RAD54B: variants seen among roughly 807,000 people sequenced by gnomAD.
RAD54B encodes the protein DNA repair and recombination protein RAD54B.
Under a neutral mutation model 95.8 loss-of-function variants are expected in RAD54B, and 78 were observed. The observed-to-expected ratio is 0.81, with a 90% CI of 0.68 to 0.98. RAD54B has a LOEUF of 0.98. Among genes scored for constraint, RAD54B ranks in the 50% least tolerant of loss-of-function variants. The pLI is 0.00. For synonymous variants in RAD54B, 328 were observed against 354.9 expected (o/e 0.92, Z 0.85); for missense variants, 957 against 1,056.6 (o/e 0.91, Z 1.31).
intron 10 of RAD54B, among the ~76,000 whole-genome samples, chr8:94,387,976 A>G (rs911090013): frequency 6.6e-6 from 1 of 152,062 alleles, no homozygotes; most frequent in Non-Finnish European, 1.5e-5. Flanking sequence ...ATACTTTTTT[A>G]TTTTGCTGCT....
chr8:94,411,282 TTGGACAC>T lies in RAD54B; in HGVS notation c.331_337del (p.Val111ArgfsTer10), dbSNP rs1811523091. The T allele has an allele frequency of 6.3e-7, 1 of 1,596,694 alleles. No homozygotes were observed. The highest frequency in any genetic ancestry group is 1.4e-5 in the African/African-American group (1 of 73,712). ...GCTATCAGATTTCTCTTCTTGTTCC[TTGGACAC>T]TGCTACTTCTTTAGGAGCCGAATGA... On this transcript the variant is annotated frameshift_variant, in exon 4 of 15. Transcript: ENST00000336148. LOFTEE classifies it high-confidence loss of function.
At chr8:94,466,424 G>A (rs530069051) in intron 2 of RAD54B, among the ~76,000 whole-genome samples, 415 of 150,516 alleles carry the variant, frequency 2.8e-3, no homozygotes, top group African/African-American at 9.6e-3. Context: ...TTTTTTTTGG[G>A]GGGGACGGAG....
chr8:94,422,647 T>TAG (rs1215416656), intron 3 of RAD54B, among the ~76,000 whole-genome samples: 80 of 98,858 alleles, frequency 8.1e-4, no homozygotes, highest in African/African-American at 3.1e-3. Context: ...TATATATATA[T>TAG]ATATATAAAA....
rs1045941111 is a variant in RAD54B, at chr8:94,429,552, T to C, written c.305-18237A>G. 4 of 982,994 alleles carry C rather than the reference T, an allele frequency of 4.1e-6. No homozygotes were observed. The African/African-American group carries it at 7.0e-5, about 17-fold the overall frequency. The allele number at this position is 982,994 out of a possible 1,614,324, so 60.9% of individuals were successfully genotyped here. The stretch of plus-strand genomic sequence containing the variant: ...TGCTGAAACTGTAAAGTGAATTACA[T>C]CTCATATATGTGCTTTCAATAATTT... On this transcript the variant is annotated intron_variant, in intron 3 of 14. Coordinates refer to ENST00000336148, the MANE Select transcript of RAD54B (RefSeq NM_012415.3).
At position 94,399,565 on chromosome 8, in the gene RAD54B, A is replaced by G. The variant is rs765660070; in HGVS notation, c.1227T>C (p.Ser409=). 1.9e-6 allele frequency: 3 copies of G among 1,612,756 alleles called. No homozygotes were observed. The highest frequency in any genetic ancestry group is 2.7e-5 in the African/African-American group (2 of 74,896). ...KSIFYSVLII[S]YEMLLRSLDQ... is the part of the protein sequence containing the mutation. ...CCAGGGAACGAAGTAACATTTCATA[A>G]CTGATAATAAGAACAGAATAAAATA... The change falls in exon 8 of 15, where the codon AGT becomes AGC. Residue 409 remains serine (S), a synonymous_variant. Coordinates refer to ENST00000336148, the MANE Select transcript of RAD54B (RefSeq NM_012415.3).
intron 3 of RAD54B, chr8:94,436,399 G>A (rs1812262219): frequency 7.4e-7 from 1 of 1,360,324 alleles, no homozygotes; most frequent in South Asian, 1.6e-5. Context: ...TCCCGTTGTG[G>A]GGATGCTTAC....
intron 3 of RAD54B, among the ~76,000 whole-genome samples, chr8:94,426,694 C>T (rs1343015525): frequency 1.3e-5 from 2 of 152,128 alleles, no homozygotes; most frequent in Admixed American, 6.5e-5. Context: ...GGTTGCCTGA[C>T]GTGCAAGAAG....
intron 3 of RAD54B, among the ~76,000 whole-genome samples, chr8:94,438,596 A>AT (rs1812326711): frequency 6.6e-6 from 1 of 152,304 alleles, no homozygotes; most frequent in South Asian, 2.1e-4. Context: ...TTATTTTGTT[A>AT]TTTTCAGAAG....
chr8:94,400,823 A>C (rs1161896540), intron 6 of RAD54B, among the ~76,000 whole-genome samples: 6 of 152,190 alleles, frequency 3.9e-5, no homozygotes, highest in African/African-American at 1.4e-4. Context: ...TTCAGATATC[A>C]AAACAGTTTA....
At chr8:94,426,139 G>C (rs1811936824) in intron 3 of RAD54B, among the ~76,000 whole-genome samples, 1 of 151,934 alleles carries the variant, frequency 6.6e-6, no homozygotes, top group African/African-American at 2.4e-5. Context: ...TTTTAGTAGA[G>C]ACGGGGTTTC....
Position 94,378,231 on chromosome 8 carries a change from C to T in RAD54B, c.2464G>A (p.Val822Ile). Residue 822 changes from valine to isoleucine, a missense_variant, in exon 14 of 15, where the codon GTT becomes ATT. Physicochemically the swap from Val to Ile is conservative, Grantham distance 29 (BLOSUM62 3). Transcript: ENST00000336148. ...TCACAGTCAAGCAGATCATGAGTAA[C>T]ACAATCTGAACTTTCATGTAATGTG... is the stretch of plus-strand genomic sequence containing the variant. ...LFTLHESSDCVTHDLLDCECT... is the reference protein window; with the variant it reads ...LFTLHESSDCITHDLLDCECT... 6.2e-7 allele frequency: 1 copy of T among 1,613,060 alleles called. No individual in the cohort carries two copies. The highest frequency in any genetic ancestry group is 8.5e-7 in the Non-Finnish European group (1 of 1,179,630).
intron 2 of RAD54B, among the ~76,000 whole-genome samples, chr8:94,464,233 C>G (rs1193147389): frequency 6.6e-6 from 1 of 152,088 alleles, no homozygotes; most frequent in Non-Finnish European, 1.5e-5. Flanking sequence ...CCCAGGTGGG[C>G]CTAACCTAAT....
chr8:94,402,873 T>G (rs1811295639), intron 6 of RAD54B, among the ~76,000 whole-genome samples: 1 of 152,206 alleles, frequency 6.6e-6, no homozygotes, highest in African/African-American at 2.4e-5. Flanking sequence ...TTACTAGAGA[T>G]GCTGCAGTGG....
Position 94,458,368 on chromosome 8 carries a change from AG to A in RAD54B, c.203del (p.Pro68LeufsTer29). 1 of 1,608,666 alleles carries A rather than the reference AG, an allele frequency of 6.2e-7. No individual in the cohort carries two copies. The highest frequency in any genetic ancestry group is 8.5e-7 in the Non-Finnish European group (1 of 1,177,774). On this transcript the variant is annotated frameshift_variant, in exon 3 of 15. Transcript: ENST00000336148. LOFTEE classifies it high-confidence loss of function. ...NDLRICSLNL[P>X]SEESTREINN... ...TGATTTCTCTAGTACTTTCTTCACT[AG>A]GCAGATTTAAACTGCATATTCTAAG...
At chr8:94,473,805 G>C (rs1300374156) in intron 1 of RAD54B, among the ~76,000 whole-genome samples, 1 of 152,176 alleles carries the variant, frequency 6.6e-6, no homozygotes, top group Non-Finnish European at 1.5e-5. Flanking sequence ...AACTACATTA[G>C]GTAGTAATTA....
rs574105521 is a variant in RAD54B at position 94,385,876 on chromosome 8, T to G, written c.1985+1108A>C. On this transcript the variant is annotated intron_variant, in intron 11 of 14. Transcript: ENST00000336148. The stretch of plus-strand genomic sequence containing the variant: ...TACAGGCTCTGCAGGTGGTTTGGTA[T>G]GACTGGACCACATGGTATGTGTGAA... 2.6e-5 allele frequency among the ~76,000 whole-genome samples: 4 copies of G among 152,294 alleles called. No individual in the cohort carries two copies. The South Asian group carries it at 8.3e-4, about 32-fold the overall frequency.
At chr8:94,425,874 C>T (rs930702945) in intron 3 of RAD54B, among the ~76,000 whole-genome samples, 1 of 151,190 alleles carries the variant, frequency 6.6e-6, no homozygotes, top group Non-Finnish European at 1.5e-5. Context: ...ACCTGTCCAA[C>T]ATTTTGAATG....
Position 94,372,145 on chromosome 8 carries a change from A to G in RAD54B, c.*25T>C, listed in dbSNP as rs750109389. 120 of 1,569,670 alleles carry G rather than the reference A, an allele frequency of 7.6e-5. No homozygotes were observed. Among genetic ancestry groups the G allele is most frequent in the East Asian group, 4.5e-5 (2 of 44,456 alleles). ...CATACTAATTTTCAAAAGAAGAGCAATGGAATGTCAGAAGTAATCTTTCAC... is the reference window on the plus strand; with the variant it reads ...CATACTAATTTTCAAAAGAAGAGCAGTGGAATGTCAGAAGTAATCTTTCAC... On this transcript the variant is annotated 3_prime_UTR_variant, in exon 15 of 15. Coordinates refer to ENST00000336148, the MANE Select transcript of RAD54B (RefSeq NM_012415.3).
At chr8:94,388,144 T>C (rs192557644) in intron 10 of RAD54B, among the ~76,000 whole-genome samples, 2 of 152,286 alleles carry the variant, frequency 1.3e-5, no homozygotes, top group African/African-American at 2.4e-5. Flanking sequence ...CAGTTGACCC[T>C]TGAACACATG....
Sources: allele counts gnomAD v4.1 joint callset (sites outside exome capture counted in the v4.1 genomes callset), GRCh38; gene constraint gnomAD v4.1.1; transcripts MANE v1.5; gene names NCBI Gene and HGNC (gene_info 2026-07-23, HGNC 2026-07-21).